Variants in TUSC3 observed in about 807,000 individuals in gnomAD.
TUSC3 encodes the protein tumor suppressor candidate 3, also known as dolichyl-diphosphooligosaccharide--protein glycosyltransferase subunit TUSC3.
TUSC3 carries 45 observed loss-of-function variants against 44.8 expected under a neutral mutation model. The ratio of observed to expected loss-of-function variants is 1.00; its 90% confidence interval spans 0.79 to 1.29. The LOEUF is 1.29. Ranked by LOEUF, TUSC3 falls within the 50% of genes most tolerant of loss-of-function variation. TUSC3 has a pLI of 0.00. For missense variants in TUSC3, 519 were observed against 437.9 expected, an observed-to-expected ratio of 1.19 and a Z score of -1.65; for synonymous variants, 212 against 152.9, an observed-to-expected ratio of 1.39 and a Z score of -2.85.
At chr8:15,635,807 G>T (rs1806044915) in intron 2 of TUSC3, among the ~76,000 whole-genome samples, 2 of 152,112 alleles carry the variant, frequency 1.3e-5, no homozygotes, top group African/African-American at 4.8e-5. Context: ...TACAGTAATG[G>T]AGCCAGGTAG....
chr8:15,790,325 A>G, the TUSC3 span, among the ~76,000 whole-genome samples: 18 of 151,762 alleles, frequency 1.2e-4, no homozygotes, highest in Admixed American at 1.2e-3. Context: ...AGCTGGGACT[A>G]CAGGCACATG....
intron 6 of TUSC3, among the ~76,000 whole-genome samples, chr8:15,686,508 C>G (rs140975148): frequency 6.6e-6 from 1 of 150,662 alleles, no homozygotes; most frequent in East Asian, 2.0e-4. Flanking sequence ...TTTTCTATTT[C>G]TTAGGCAGCC....
intron 1 of TUSC3, among the ~76,000 whole-genome samples, chr8:15,452,840 G>A (rs1800211228): frequency 6.6e-6 from 1 of 152,108 alleles, no homozygotes; most frequent in Non-Finnish European, 1.5e-5. Context: ...CTTACAGTAA[G>A]CTCCTCTTGT....
intron 2 of TUSC3, among the ~76,000 whole-genome samples, chr8:15,507,989 C>CATT: frequency 6.6e-6 from 1 of 152,258 alleles, no homozygotes; most frequent in East Asian, 1.9e-4. Context: ...GGCCTGTAAT[C>CATT]CCAGCACTTT....
chr8:15,820,846 G>A, the TUSC3 span, among the ~76,000 whole-genome samples: 2 of 152,248 alleles, frequency 1.3e-5, no homozygotes, highest in East Asian at 1.9e-4. Flanking sequence ...TTTAAAATAT[G>A]TATGCCTCTT....
chr8:15,499,071 A>G (rs961090321), intron 2 of TUSC3, among the ~76,000 whole-genome samples: 5 of 151,218 alleles, frequency 3.3e-5, no homozygotes, highest in Non-Finnish European at 7.4e-5. Context: ...AACTTGCCCC[A>G]ACTCTTGCCA....
the TUSC3 span, among the ~76,000 whole-genome samples, chr8:15,777,993 G>T: frequency 6.6e-6 from 1 of 151,370 alleles, no homozygotes; most frequent in African/African-American, 2.4e-5. Context: ...AAAACATCTT[G>T]ATTTCCCTCT....
the TUSC3 span, among the ~76,000 whole-genome samples, chr8:15,848,612 G>A: frequency 6.6e-6 from 1 of 152,098 alleles, no homozygotes; most frequent in African/African-American, 2.4e-5. Context: ...AAACATTCTT[G>A]GCTCTGTGTG....
At chr8:15,670,044 T>A (rs1807873985) in intron 5 of TUSC3, among the ~76,000 whole-genome samples, 1 of 151,812 alleles carries the variant, frequency 6.6e-6, no homozygotes, top group South Asian at 2.1e-4. Flanking sequence ...TCACAAAAAG[T>A]TTTGAATCAA....
chr8:15,808,813 T>C, the TUSC3 span, among the ~76,000 whole-genome samples: 4 of 152,292 alleles, frequency 2.6e-5, no homozygotes, highest in South Asian at 2.1e-4. Flanking sequence ...GGATTGCTAA[T>C]TGTGCTTCCA....
Position 15,701,665 on chromosome 8 carries a change from A to G in TUSC3, c.798+27829A>G, listed in dbSNP as rs1362861. The stretch of plus-strand genomic sequence containing the variant: ...AGTAAGAAAAACTTTGCAGTGTTTC[A>G]GAAGGAAGAAGTAGAAGAAGGATAT... On this transcript the variant is annotated intron_variant, in intron 6 of 10. Transcript: ENST00000503731. Among the ~76,000 whole-genome samples the G allele has an allele frequency of 6.4e-3, 970 of 152,274 alleles. 9 individuals carry two copies. The highest frequency in any genetic ancestry group is 0.022 in the African/African-American group (908 of 41,572).
the TUSC3 span, among the ~76,000 whole-genome samples, chr8:15,848,286 C>T: frequency 0.057 from 8,665 of 152,296 alleles, 510 homozygotes; most frequent in East Asian, 0.2. Context: ...CCCTCTTTCT[C>T]ACTTGTAGTT....
chr8:15,494,320 C>CT (rs71211045), intron 2 of TUSC3, among the ~76,000 whole-genome samples: 69,102 of 136,106 alleles, frequency 0.51, 18,962 homozygotes, highest in East Asian at 0.64. Context: ...CTCTCATCTT[C>CT]TTTTTTTTTT....
intron 6 of TUSC3, among the ~76,000 whole-genome samples, chr8:15,728,134 C>T (rs972715411): frequency 6.6e-6 from 1 of 152,066 alleles, no homozygotes; most frequent in Non-Finnish European, 1.5e-5. Flanking sequence ...ACTGGAAATA[C>T]AAAATGCATT....
the TUSC3 span, among the ~76,000 whole-genome samples, chr8:15,794,613 A>AT: frequency 7.2e-5 from 11 of 151,922 alleles, no homozygotes; most frequent in Non-Finnish European, 8.8e-5. Context: ...GAATAACAGG[A>AT]TTTTTTTTCT....
Position 15,584,070 on chromosome 8 carries a change from C to T in TUSC3, c.139-39010C>T, listed in dbSNP as rs1343293897. Among the ~76,000 whole-genome samples, 517 of 152,194 alleles carry T rather than the reference C, an allele frequency of 3.4e-3. 4 individuals are homozygous for T. Among genetic ancestry groups the T allele is most frequent in the African/African-American group, 0.012 (496 of 41,512 alleles). On this transcript the variant is annotated intron_variant, in intron 1 of 10. Coordinates refer to ENST00000503731, the MANE Select transcript of TUSC3 (RefSeq NM_006765.4). ...AAGGCAGTGTAATCAAACACAGCAG[C>T]TTAACTGTTTTAATATTTCTGTGGG...
chr8:15,478,858 C>G lies in TUSC3; in HGVS notation n.92-4528C>G, dbSNP rs188774970. Among the ~76,000 whole-genome samples the G allele has an allele frequency of 3.7e-3, 561 of 152,292 alleles. 3 individuals are homozygous for G. The highest frequency in any genetic ancestry group is 0.013 in the African/African-American group (540 of 41,558). ...TCTAGGTCTTTGAGGAATTGCCACA[C>G]TGTCTTCCACAGTGGTAGAACTAAT... On this transcript the variant is annotated intron_variant and non_coding_transcript_variant, in intron 1 of 5. Coordinates refer to the TUSC3 transcript ENST00000503191.
At chr8:15,510,075 A>G (rs1801111634) in intron 2 of TUSC3, among the ~76,000 whole-genome samples, 1 of 152,136 alleles carries the variant, frequency 6.6e-6, no homozygotes, top group African/African-American at 2.4e-5. Flanking sequence ...TGGGAGGCTG[A>G]GGGGGAAGAA....
chr8:15,691,594 C>G (rs1294406969), intron 6 of TUSC3, among the ~76,000 whole-genome samples: 1 of 152,108 alleles, frequency 6.6e-6, no homozygotes, highest in Non-Finnish European at 1.5e-5. Flanking sequence ...TTCCAGCTTT[C>G]AAGGGGAATG....
Sources: allele counts gnomAD v4.1 joint callset (sites outside exome capture counted in the v4.1 genomes callset), GRCh38; gene constraint gnomAD v4.1.1; transcripts MANE v1.5; gene names NCBI Gene and HGNC (gene_info 2026-07-23, HGNC 2026-07-21).